The following STRN variants were observed in gnomAD, a reference collection of about 807,000 sequenced individuals.
STRN encodes striatin, also known as protein phosphatase 2 regulatory subunit B'''alpha.
A neutral mutation model predicts 96.3 loss-of-function variants in STRN; 53 were observed. The observed-to-expected ratio is 0.55, with a 90% confidence interval of 0.44 to 0.69. The LOEUF is 0.69. STRN is among the 30% of genes least tolerant of loss of function. STRN has a pLI of 0.00. For missense variants in STRN, 987 were observed against 963.9 expected (o/e 1.02, Z -0.32); for synonymous variants, 428 against 355.9 (o/e 1.20, Z -2.28).
At chr2:36,942,846 A>T (rs1280895055) in intron 1 of STRN, among the ~76,000 whole-genome samples, 1 of 151,886 alleles carries the variant, frequency 6.6e-6, no homozygotes, top group Non-Finnish European at 1.5e-5. Context: ...CAGGCACGCA[A>T]CACCACACCC....
chr2:36,899,133 T>A (rs1558643724), intron 6 of STRN, among the ~76,000 whole-genome samples: 1 of 152,194 alleles, frequency 6.6e-6, no homozygotes, highest in Non-Finnish European at 1.5e-5. Context: ...AAAACAATCC[T>A]GACAAGAGAC....
chr2:36,856,935 T>C (rs998632512), intron 14 of STRN, among the ~76,000 whole-genome samples: 5 of 152,104 alleles, frequency 3.3e-5, no homozygotes, highest in African/African-American at 1.2e-4. Flanking sequence ...TCCACCATGA[T>C]TGTAAATTGC....
At chr2:36,870,296 G>GAAA in intron 10 of STRN, among the ~76,000 whole-genome samples, 1 of 139,042 alleles carries the variant, frequency 7.2e-6, no homozygotes, top group African/African-American at 2.7e-5. Flanking sequence ...TCTCAAAAAT[G>GAAA]AAAAAAAAAA....
intron 3 of STRN, among the ~76,000 whole-genome samples, chr2:36,907,194 G>A (rs1460388947): frequency 6.6e-6 from 1 of 152,104 alleles, no homozygotes; most frequent in African/African-American, 2.4e-5. Flanking sequence ...GATCTTTATA[G>A]GATCTTATTC....
chr2:36,875,973 A>G (rs970651918), intron 10 of STRN, among the ~76,000 whole-genome samples: 9 of 152,076 alleles, frequency 5.9e-5, no homozygotes, highest in Non-Finnish European at 8.8e-5. Context: ...GATTTTTTTT[A>G]AATCTTTATC....
At chr2:36,908,754 A>C (rs992351447) in intron 3 of STRN, among the ~76,000 whole-genome samples, 9 of 152,102 alleles carry the variant, frequency 5.9e-5, no homozygotes, top group Non-Finnish European at 1.0e-4. Context: ...TGGGCGGATC[A>C]CTCAAACCCA....
intron 10 of STRN, among the ~76,000 whole-genome samples, chr2:36,876,746 T>A (rs1379823991): frequency 9.5e-6 from 1 of 105,364 alleles, no homozygotes; most frequent in Non-Finnish European, 2.0e-5. Context: ...TGAGCAATTA[T>A]AAACATTTTT....
intron 6 of STRN, among the ~76,000 whole-genome samples, chr2:36,894,543 GAC>G (rs1669488795): frequency 1.3e-5 from 2 of 152,258 alleles, no homozygotes; most frequent in Admixed American, 1.3e-4. Flanking sequence ...TACATGCAGG[GAC>G]AATTTTTGTG....
intron 1 of STRN, among the ~76,000 whole-genome samples, chr2:36,960,723 A>AGG (rs1665009091): frequency 6.6e-6 from 1 of 152,164 alleles, no homozygotes; most frequent in Non-Finnish European, 1.5e-5. Flanking sequence ...AGAATTTTAA[A>AGG]CCCAGGTCTC....
intron 8 of STRN, among the ~76,000 whole-genome samples, chr2:36,885,044 C>T (rs1669183397): frequency 6.6e-6 from 1 of 152,006 alleles, no homozygotes; most frequent in African/African-American, 2.4e-5. Flanking sequence ...TGTCATTTTT[C>T]TTCACCATAC....
In STRN at chr2:36,877,144, C is replaced by T. The variant is rs529532321; in HGVS notation, c.1323+747G>A. Among the ~76,000 whole-genome samples the T allele has an allele frequency of 4.7e-4, 72 of 152,290 alleles. 1 individual carries two copies. In the South Asian group the frequency reaches 0.015, roughly 31 times the overall value. On this transcript the variant is annotated intron_variant, in intron 10 of 17. Transcript: ENST00000263918. Reference sequence around the variant, plus strand: ...ATTTTGGTCCAAATCTCTGATGGGTCAGCCTTAACATCTGGAAAGCACACT... The same window carrying T: ...ATTTTGGTCCAAATCTCTGATGGGTTAGCCTTAACATCTGGAAAGCACACT...
intron 4 of STRN, among the ~76,000 whole-genome samples, 163 bp downstream of exon 4, chr2:36,905,377 A>G (rs1187359641): frequency 6.6e-6 from 1 of 152,256 alleles, no homozygotes; most frequent in African/African-American, 2.4e-5. Flanking sequence ...ACCACACAGA[A>G]AAAGTATTTA....
chr2:36,919,094 T>A (rs917806757), intron 2 of STRN, among the ~76,000 whole-genome samples: 2 of 152,194 alleles, frequency 1.3e-5, no homozygotes, highest in African/African-American at 4.8e-5. Flanking sequence ...CTCAATTATA[T>A]CTTAAATGTG....
chr2:36,883,247 GA>G (rs1300070840), intron 9 of STRN, among the ~76,000 whole-genome samples: 4 of 152,180 alleles, frequency 2.6e-5, no homozygotes, highest in Non-Finnish European at 5.9e-5. Context: ...TTGAGGTCAG[GA>G]ATTCGAGGCC....
At chr2:36,955,634 A>G (rs1664868739) in intron 1 of STRN, among the ~76,000 whole-genome samples, 1 of 151,522 alleles carries the variant, frequency 6.6e-6, no homozygotes. Flanking sequence ...TCCTTTCTGA[A>G]CTCCAAATCT....
At chr2:36,928,171 C>T (rs189738132) in intron 1 of STRN, among the ~76,000 whole-genome samples, 63 of 151,934 alleles carry the variant, frequency 4.1e-4, no homozygotes, top group Non-Finnish European at 7.7e-4. Context: ...CGACCTCAGT[C>T]GAAAGCATAA....
chr2:36,926,057 T>C (rs889869969), intron 1 of STRN, among the ~76,000 whole-genome samples: 14 of 151,998 alleles, frequency 9.2e-5, no homozygotes, highest in Non-Finnish European at 1.3e-4. Flanking sequence ...ATGTAATCCA[T>C]AGAAAAAAGA....
chr2:36,943,135 T>C (rs1016964080), intron 1 of STRN, among the ~76,000 whole-genome samples: 2 of 152,148 alleles, frequency 1.3e-5, no homozygotes, highest in Admixed American at 6.5e-5. Context: ...CAGTAAACTA[T>C]ATTTTGACTG....
rs1259360706 is a variant in STRN at position 36,837,747 on chromosome 2, G to C, written c.*11709C>G. ...TTTGGAAAAAGTACTTTTGAATGTG[G>C]TCAACAGACAACTTACAAGAGTTGG... On this transcript the variant is annotated 3_prime_UTR_variant, in exon 18 of 18. Coordinates refer to ENST00000263918, the MANE Select transcript of STRN (RefSeq NM_003162.4). 2.6e-5 allele frequency among the ~76,000 whole-genome samples: 4 copies of C among 152,038 alleles called. No homozygotes were observed. The highest frequency in any genetic ancestry group is 4.4e-5 in the Non-Finnish European group (3 of 68,006).
Sources: gnomAD v4.1 joint callset for allele counts (sites outside exome capture counted in the v4.1 genomes callset) on GRCh38, gnomAD v4.1.1 for gene constraint, MANE v1.5 for transcripts, NCBI Gene and HGNC (gene_info 2026-07-23, HGNC 2026-07-21) for gene names.